The following GNA14 variants were observed in gnomAD, a reference collection of about 807,000 sequenced individuals.
GNA14 encodes G protein subunit alpha 14, also known as guanine nucleotide-binding protein subunit alpha-14.
In GNA14, 50 loss-of-function variants were observed where a neutral mutation model predicts 42.0. The ratio of observed to expected loss-of-function variants is 1.19; its 90% CI spans 0.95 to 1.51. The LOEUF is 1.51. Among genes scored for constraint, GNA14 ranks in the 40% most tolerant of loss-of-function variants. GNA14 has a pLI of 0.00. For synonymous variants in GNA14, 173 were observed against 163.1 expected (o/e 1.06, Z -0.46); for missense variants, 473 against 446.2 (o/e 1.06, Z -0.54).
At chr9:77,451,719 C>G (rs1479510127) in intron 2 of GNA14, among the ~76,000 whole-genome samples, 1 of 152,174 alleles carries the variant, frequency 6.6e-6, no homozygotes, top group Admixed American at 6.5e-5. Context: ...GGTGGACAAG[C>G]CAACGTGCAG....
chr9:77,426,615 A>G (rs559516875), intron 5 of GNA14, among the ~76,000 whole-genome samples: 3 of 152,334 alleles, frequency 2.0e-5, no homozygotes, highest in Admixed American at 1.3e-4. Context: ...TGTTTAGAAC[A>G]TTCAAATAAC....
intron 1 of GNA14, among the ~76,000 whole-genome samples, chr9:77,616,040 G>C (rs1281700572): frequency 6.6e-6 from 1 of 152,038 alleles, no homozygotes; most frequent in African/African-American, 2.4e-5. Flanking sequence ...AGAGTTCTTT[G>C]CAATAGGATA....
At chr9:77,453,727 C>T (rs979593482) in intron 2 of GNA14, among the ~76,000 whole-genome samples, 5 of 152,180 alleles carry the variant, frequency 3.3e-5, no homozygotes, top group African/African-American at 9.7e-5. Flanking sequence ...ACTGAGCAAA[C>T]CTGAGCAATC....
intron 1 of GNA14, among the ~76,000 whole-genome samples, chr9:77,542,465 T>C (rs10121638): frequency 2.6e-5 from 4 of 152,002 alleles, no homozygotes; most frequent in Non-Finnish European, 4.4e-5. Context: ...CCACAGTATA[T>C]GTTGGCTCTG....
chr9:77,602,214 C>G (rs1027611796), intron 1 of GNA14, among the ~76,000 whole-genome samples: 3 of 152,270 alleles, frequency 2.0e-5, no homozygotes, highest in African/African-American at 7.2e-5. Flanking sequence ...TGCTCATAGC[C>G]TTTATATTTC....
intron 2 of GNA14, among the ~76,000 whole-genome samples, chr9:77,483,333 T>G (rs912456605): frequency 2.0e-5 from 3 of 152,234 alleles, no homozygotes; most frequent in African/African-American, 7.2e-5. Flanking sequence ...AGACCCTGTT[T>G]GCCTGGGCAT....
rs3052383 is a variant in GNA14 at position 77,467,650 on chromosome 9, C to CTT, written c.310-33130_310-33129dup. ...CCTCTGGCAGAACTGCGGAGCTCTC[C>CTT]TTTTTTTTTTTTTTTTTTAAGACTA... On this transcript the variant is annotated intron_variant, in intron 2 of 6. Transcript: ENST00000341700. Among the ~76,000 whole-genome samples the CTT allele has an allele frequency of 7.9e-4, 111 of 139,684 alleles. 1 individual carries two copies. The highest frequency in any genetic ancestry group is 7.1e-3 in the Middle Eastern group (2 of 282). The allele number at this position is 139,684 out of a possible 152,430, so 91.6% of individuals were successfully genotyped here.
At chr9:77,564,445 CT>C (rs1220183569) in intron 1 of GNA14, among the ~76,000 whole-genome samples, 1 of 152,112 alleles carries the variant, frequency 6.6e-6, no homozygotes, top group Non-Finnish European at 1.5e-5. Context: ...TACCCAGAGA[CT>C]ACCAGGATGG....
chr9:77,550,269 C>T (rs576758693), intron 1 of GNA14, among the ~76,000 whole-genome samples: 9 of 152,152 alleles, frequency 5.9e-5, no homozygotes, highest in African/African-American at 1.4e-4. Flanking sequence ...CTTTCAGCCT[C>T]GGTATATTTT....
intron 2 of GNA14, among the ~76,000 whole-genome samples, chr9:77,498,780 C>A (rs1836917921): frequency 6.6e-6 from 1 of 152,176 alleles, no homozygotes; most frequent in South Asian, 2.1e-4. Context: ...ATTTTCGGAG[C>A]CACCGATGGG....
In GNA14 at chr9:77,608,849, C is replaced by A. The variant is rs913269220; in HGVS notation, c.124+38821G>T. On this transcript the variant is annotated intron_variant, in intron 1 of 6. Coordinates refer to ENST00000341700, the MANE Select transcript of GNA14 (RefSeq NM_004297.4). ...TCAGTCACTCCTGTTTATTTCTGCC[C>A]CCTTTAGTCCCAGCTGGCAACATTT... Among the ~76,000 whole-genome samples the A allele has an allele frequency of 5.3e-5, 8 of 151,408 alleles. No individual in the cohort carries two copies. The East Asian group carries it at 1.6e-3, about 29-fold the overall frequency.
At chr9:77,581,437 T>C (rs1290568263) in intron 1 of GNA14, among the ~76,000 whole-genome samples, 1 of 152,216 alleles carries the variant, frequency 6.6e-6, no homozygotes, top group Admixed American at 6.5e-5. Context: ...CCATAGTACC[T>C]ACATCATGTG....
intron 1 of GNA14, among the ~76,000 whole-genome samples, chr9:77,543,503 T>C (rs575276444): frequency 2.6e-5 from 4 of 152,330 alleles, no homozygotes; most frequent in African/African-American, 9.6e-5. Flanking sequence ...CAGGAGCCCG[T>C]GGGACTAAGC....
chr9:77,570,617 C>A (rs528254196), intron 1 of GNA14, among the ~76,000 whole-genome samples: 4 of 152,078 alleles, frequency 2.6e-5, no homozygotes, highest in Non-Finnish European at 5.9e-5. Context: ...CTATTCCACA[C>A]ATTTTGTTTA....
chr9:77,607,918 G>T (rs541419203), intron 1 of GNA14, among the ~76,000 whole-genome samples: 2 of 152,154 alleles, frequency 1.3e-5, no homozygotes, highest in East Asian at 3.9e-4. Context: ...CTTCCTAAAG[G>T]CCCCATCTCC....
intron 1 of GNA14, among the ~76,000 whole-genome samples, chr9:77,613,511 AT>A (rs1823763423): frequency 1.3e-5 from 2 of 152,218 alleles, no homozygotes; most frequent in African/African-American, 4.8e-5. Flanking sequence ...TATCCTTAAA[AT>A]TTGCTAACAG....
intron 1 of GNA14, among the ~76,000 whole-genome samples, chr9:77,537,817 T>A: frequency 6.6e-6 from 1 of 152,338 alleles, no homozygotes; most frequent in East Asian, 1.9e-4. Context: ...TTGCATTTCC[T>A]GACAATCAGT....
intron 1 of GNA14, among the ~76,000 whole-genome samples, chr9:77,619,157 ACC>A (rs973045884): frequency 6.6e-6 from 1 of 151,964 alleles, no homozygotes; most frequent in African/African-American, 2.4e-5. Flanking sequence ...CACATACCAG[ACC>A]CTTGCCTCCA....
intron 1 of GNA14, among the ~76,000 whole-genome samples, chr9:77,592,720 T>C (rs1314221145): frequency 6.6e-6 from 1 of 152,184 alleles, no homozygotes; most frequent in Non-Finnish European, 1.5e-5. Flanking sequence ...GATTTTTCTG[T>C]GTTATAAGTA....
Sources: gnomAD v4.1 joint callset for allele counts (sites outside exome capture counted in the v4.1 genomes callset) on GRCh38, gnomAD v4.1.1 for gene constraint, MANE v1.5 for transcripts, NCBI Gene and HGNC (gene_info 2026-07-23, HGNC 2026-07-21) for gene names.